Variants in MYO18B observed in about 807,000 individuals in gnomAD.
MYO18B encodes the protein myosin XVIIIB.
MYO18B carries 204 observed loss-of-function variants against 273.0 expected under a neutral mutation model. The observed-to-expected ratio is 0.75, with a 90% CI of 0.67 to 0.84. The LOEUF is 0.84. MYO18B is among the 40% of genes least tolerant of loss of function. The pLI is 0.00. For synonymous variants in MYO18B, 1,330 were observed against 1,305.7 expected, an observed-to-expected ratio of 1.02 and a Z score of -0.40; for missense variants, 3,212 against 3,287.6, an observed-to-expected ratio of 0.98 and a Z score of 0.56.
At chr22:26,036,545 C>T in the MYO18B span, among the ~76,000 whole-genome samples, 6,303 of 152,042 alleles carry the variant, frequency 0.041, 451 homozygotes, top group African/African-American at 0.14. Flanking sequence ...ATTCTGGGCT[C>T]GGTGGGAAAA....
At chr22:25,911,943 A>G (rs188046243) in intron 33 of MYO18B, among the ~76,000 whole-genome samples, 12 of 152,306 alleles carry the variant, frequency 7.9e-5, no homozygotes, top group Non-Finnish European at 4.4e-5. Flanking sequence ...TGTGGCTTCT[A>G]TGATTTATTT....
chr22:25,827,162 A>C (rs1366932432), intron 14 of MYO18B, among the ~76,000 whole-genome samples: 1 of 152,200 alleles, frequency 6.6e-6, no homozygotes, highest in Non-Finnish European at 1.5e-5. Context: ...CAGGGATTGC[A>C]CTAATTGTGT....
At chr22:25,797,556 C>A (rs796691198) in intron 11 of MYO18B, among the ~76,000 whole-genome samples, 9 of 152,296 alleles carry the variant, frequency 5.9e-5, no homozygotes, top group African/African-American at 1.9e-4. Context: ...TACCCATAGC[C>A]TACCTACCAC....
At chr22:26,058,222 G>T in the MYO18B span, among the ~76,000 whole-genome samples, 1 of 152,158 alleles carries the variant, frequency 6.6e-6, no homozygotes, top group Admixed American at 6.5e-5. Context: ...GATTTTTGGA[G>T]ACAGGCAATA....
rs1050674055 is a variant in MYO18B, at chr22:25,955,207, T to A, written c.5999T>A (p.Leu2000Gln). The A allele has an allele frequency of 1.9e-6, 3 of 1,612,344 alleles. No homozygotes were observed. In the African/African-American group the frequency reaches 4.0e-5, roughly 22 times the overall value. The stretch of plus-strand genomic sequence containing the variant: ...CTGGTGATCCGGCTTCGGGACAGCC[T>A]GATCAAGATGGGGGAGGAGCTTTCA... Reference protein sequence around the residue: ...EVLVIRLRDSLIKMGEELSQA... With the variant: ...EVLVIRLRDSQIKMGEELSQA... Residue 2000 changes from leucine to glutamine, a missense_variant, in exon 39 of 44, where the codon CTG becomes CAG. Leu to Gln is a moderately radical substitution (Grantham distance 113, BLOSUM62 -2). Transcript: ENST00000335473.
rs773853813 is a variant in MYO18B, at chr22:25,826,472, T to C, written c.2759T>C (p.Phe920Ser). The change falls in exon 14 of 44, where the codon TTT (phenylalanine) becomes TCT (serine). Residue 920 changes from phenylalanine (F) to serine (S), a missense_variant. Physicochemically the swap from Phe to Ser is radical, Grantham distance 155. Transcript: ENST00000335473. Reference sequence around the variant, plus strand: ...GCCTCGGGCCTGTACCAGGAACTCTTTGCGGCTGTGGTCTCACTCATCAAC... The same window carrying C: ...GCCTCGGGCCTGTACCAGGAACTCTCTGCGGCTGTGGTCTCACTCATCAAC... ...GMASGLYQEL[F>S]AAVVSLINRS... is the part of the protein sequence containing the mutation. The C allele has an allele frequency of 1.9e-6, 3 of 1,613,832 alleles. No individual in the cohort carries two copies. Among genetic ancestry groups the C allele is most frequent in the Non-Finnish European group, 2.5e-6 (3 of 1,179,760 alleles).
In MYO18B at chr22:25,874,358, C is replaced by G; in HGVS notation, c.4024C>G (p.Leu1342Val). 3.1e-6 allele frequency: 5 copies of G among 1,614,004 alleles called. No homozygotes were observed. The highest frequency in any genetic ancestry group is 4.2e-6 in the Non-Finnish European group (5 of 1,179,880). Residue 1342 changes from leucine (L) to valine (V), a missense_variant, in exon 23 of 44, where the codon CTC becomes GTC. Physicochemically the swap from Leu to Val is conservative, Grantham distance 32. Coordinates refer to ENST00000335473, the MANE Select transcript of MYO18B (RefSeq NM_032608.7). ...GAAGCTGGTATCTCAGAGCATCGTT[C>G]TCTTCCAGGCGGCTTGCAAGGGCTT... Reference protein sequence around the residue: ...REKLVSQSIVLFQAACKGFLS... With the variant: ...REKLVSQSIVVFQAACKGFLS...
chr22:25,893,985 A>G (rs1329744537), intron 27 of MYO18B, among the ~76,000 whole-genome samples: 1 of 152,180 alleles, frequency 6.6e-6, no homozygotes. Context: ...CTATTTATCC[A>G]TTAATCCTCC....
At chr22:25,811,016 T>A (rs766856217) in intron 12 of MYO18B, among the ~76,000 whole-genome samples, 36 of 151,254 alleles carry the variant, frequency 2.4e-4, no homozygotes, top group Non-Finnish European at 4.9e-4. Context: ...TTCTTAAACT[T>A]TTTTTTTTCT....
At chr22:25,962,840 T>C (rs2146689298) in intron 39 of MYO18B, among the ~76,000 whole-genome samples, 1 of 152,280 alleles carries the variant, frequency 6.6e-6, no homozygotes, top group Non-Finnish European at 1.5e-5. Flanking sequence ...CATCTCTCAC[T>C]TGCATTCAGC....
At chr22:25,884,672 A>G (rs1268932174) in intron 25 of MYO18B, 2 of 152,190 alleles carry the variant, frequency 1.3e-5, no homozygotes. Flanking sequence ...CAGATGAATA[A>G]TCTGGGCACT....
intron 3 of MYO18B, among the ~76,000 whole-genome samples, chr22:25,764,097 G>A (rs1274963400): frequency 6.6e-6 from 1 of 152,200 alleles, no homozygotes; most frequent in African/African-American, 2.4e-5. Context: ...TTAATGCTTG[G>A]CACAGGTAGG....
At chr22:25,748,323 G>A (rs544967415) in intron 1 of MYO18B, among the ~76,000 whole-genome samples, 13 of 152,264 alleles carry the variant, frequency 8.5e-5, no homozygotes, top group Admixed American at 2.0e-4. Context: ...TGCTATTGTC[G>A]CTGTAGGACC....
intron 12 of MYO18B, among the ~76,000 whole-genome samples, chr22:25,798,803 A>G (rs1601727872): frequency 6.6e-6 from 1 of 152,150 alleles, no homozygotes; most frequent in East Asian, 1.9e-4. Context: ...AGGCTCAAGC[A>G]ATCTTCCTGC....
At position 26,006,591 on chromosome 22, in the gene MYO18B, C is replaced by T. The variant is rs186892184; in HGVS notation, c.6470+1736C>T. Reference sequence around the variant, plus strand: ...CAACAAGACAAACCAGTACATATAACTTTCAATAAGCATTTATCAAATGCT... The same window carrying T: ...CAACAAGACAAACCAGTACATATAATTTTCAATAAGCATTTATCAAATGCT... On this transcript the variant is annotated intron_variant, in intron 42 of 43. Coordinates refer to ENST00000335473, the MANE Select transcript of MYO18B (RefSeq NM_032608.7). The T allele has an allele frequency of 1.4e-4, 24 of 168,842 alleles. No individual in the cohort carries two copies. In the East Asian group the frequency reaches 4.0e-3, roughly 28 times the overall value. 10.5% of individuals were successfully genotyped at this position (168,842 alleles called of 1,614,324 possible). A position where few individuals can be genotyped will look rare whatever the true frequency, so the allele number is the denominator to read the frequency against.
downstream of MYO18B, among the ~76,000 whole-genome samples, chr22:26,034,283 C>G (rs1246219098): frequency 6.6e-6 from 1 of 152,220 alleles, no homozygotes; most frequent in Non-Finnish European, 1.5e-5. Context: ...GTCTGTGACA[C>G]TACCACTTCT....
At chr22:26,007,357 T>C (rs1387756468) in intron 42 of MYO18B, among the ~76,000 whole-genome samples, 1 of 152,174 alleles carries the variant, frequency 6.6e-6, no homozygotes, top group East Asian at 1.9e-4. Context: ...TAGCACAAAG[T>C]AGGTAAGTGG....
At position 25,835,608 on chromosome 22, in the gene MYO18B, G is replaced by T. The variant is rs1318238212; in HGVS notation, c.3208+165G>T. ...ATGCTTTCATTCATTCAAGTATTCA[G>T]TGAACGCATTGAGCAGCCACTATGT... On this transcript the variant is annotated intron_variant, in intron 17 of 43. Transcript: ENST00000335473. Among the ~76,000 whole-genome samples, 9 of 152,344 alleles carry T rather than the reference G, an allele frequency of 5.9e-5. No homozygotes were observed. The East Asian group carries it at 1.7e-3, about 29-fold the overall frequency.
chr22:25,981,614 A>G (rs778133660), intron 39 of MYO18B, among the ~76,000 whole-genome samples: 1 of 152,206 alleles, frequency 6.6e-6, no homozygotes, highest in Non-Finnish European at 1.5e-5. Flanking sequence ...GTGTGATGGT[A>G]CATGCCTGTA....
Sources: allele counts gnomAD v4.1 joint callset (sites outside exome capture counted in the v4.1 genomes callset), GRCh38; gene constraint gnomAD v4.1.1; transcripts MANE v1.5; gene names NCBI Gene and HGNC (gene_info 2026-07-23, HGNC 2026-07-21).